APOBEC1: variants seen among roughly 807,000 people sequenced by gnomAD.
The protein encoded by APOBEC1 is C->U-editing enzyme APOBEC-1.
In APOBEC1, 22 loss-of-function variants were observed where a neutral mutation model predicts 26.3. The observed-to-expected ratio is 0.84, with a 90% CI of 0.60 to 1.19. The LOEUF (loss-of-function observed/expected upper bound fraction) is 1.19. APOBEC1 is among the 50% of genes most tolerant of loss of function. The probability of loss-of-function intolerance (pLI) is 0.00; values close to 1 mark genes in which losing one functional copy is unlikely to be tolerated. For missense variants in APOBEC1, 253 were observed against 289.0 expected (o/e 0.88, Z 0.90); for synonymous variants, 77 against 95.3 (o/e 0.81, Z 1.12).
At chr12:7,667,764 T>C (rs1736812932), upstream of APOBEC1, among the ~76,000 whole-genome samples, 1 of 151,720 alleles carries the variant, frequency 6.6e-6, no homozygotes, top group South Asian at 2.1e-4. Context: ...AATATAAAAG[T>C]CAGCTGGGTG....
intron 1 of APOBEC1, among the ~76,000 whole-genome samples, chr12:7,659,349 ATGTT>A (rs1863770914): frequency 2.1e-5 from 2 of 93,664 alleles, no homozygotes; most frequent in African/African-American, 4.2e-5. Flanking sequence ...ATATATATAT[ATGTT>A]TATATTTGAA....
intron 1 of APOBEC1, among the ~76,000 whole-genome samples, chr12:7,656,028 G>A (rs1181171461): frequency 6.6e-6 from 1 of 151,882 alleles, no homozygotes; most frequent in African/African-American, 2.4e-5. Context: ...GTGGAGGCGT[G>A]TTCTCTCTGT....
chr12:7,651,125 C>T lies in APOBEC1; in HGVS notation c.459G>A (p.Trp153Ter). Residue 153 changes from tryptophan (W) to a stop codon, truncating the protein, a stop_gained, in exon 4 of 5, where the codon TGG becomes TGA. Coordinates refer to ENST00000229304, the MANE Select transcript of APOBEC1 (RefSeq NM_001644.5). LOFTEE classifies it high-confidence loss of function. ...CAGGTGGGTAGTTGACAAAATTCCT[C>T]CAGCAGTGATAATACTCTAAGGAAA... ...IMRASEYYHC[W>*]RNFVNYPPGD... 6.2e-7 allele frequency: 1 copy of T among 1,613,046 alleles called. No individual in the cohort carries two copies. Among genetic ancestry groups the T allele is most frequent in the Non-Finnish European group, 8.5e-7 (1 of 1,179,072 alleles).
At chr12:7,663,376 G>A (rs1448041323) in intron 1 of APOBEC1, among the ~76,000 whole-genome samples, 2 of 152,132 alleles carry the variant, frequency 1.3e-5, no homozygotes, top group South Asian at 2.1e-4. Context: ...CTAGGAAATA[G>A]GACGAAGTCA....
chr12:7,661,205 C>CAAAA (rs35561148), intron 1 of APOBEC1, among the ~76,000 whole-genome samples: 1 of 89,294 alleles, frequency 1.1e-5, no homozygotes, highest in Non-Finnish European at 2.3e-5. Context: ...GACTCCGTCT[C>CAAAA]AAAAAAAAAA....
intron 1 of APOBEC1, among the ~76,000 whole-genome samples, chr12:7,663,741 G>A (rs945308984): frequency 1.3e-5 from 2 of 152,106 alleles, no homozygotes; most frequent in Non-Finnish European, 2.9e-5. Flanking sequence ...CACATGACTG[G>A]GGACAGTTTG....
chr12:7,660,075 C>A (rs746458868), intron 1 of APOBEC1, among the ~76,000 whole-genome samples: 1 of 151,650 alleles, frequency 6.6e-6, no homozygotes, highest in East Asian at 2.0e-4. Flanking sequence ...GAGGCTGAGG[C>A]GGGTGGTTCA....
intron 1 of APOBEC1, among the ~76,000 whole-genome samples, chr12:7,659,325 ATATATAT>A (rs1565441871): frequency 5.3e-4 from 30 of 56,154 alleles, no homozygotes; most frequent in African/African-American, 1.4e-3. Context: ...AAAAAAAAAT[ATATATAT>A]ATATATATAT....
chr12:7,660,375 G>GGAAGGAAGGAAGGACA (rs61183510), intron 1 of APOBEC1, among the ~76,000 whole-genome samples: 7 of 23,950 alleles, frequency 2.9e-4, no homozygotes, highest in Admixed American at 5.0e-4. Flanking sequence ...AAGGAAGGAA[G>GGAAGGAAGGAAGGACA]GAAAGAAAGA....
At chr12:7,657,192 A>G (rs918362033) in intron 1 of APOBEC1, among the ~76,000 whole-genome samples, 39 of 152,206 alleles carry the variant, frequency 2.6e-4, no homozygotes, top group Admixed American at 8.5e-4. Context: ...TGCATTTCGT[A>G]CTAAGTTACT....
At chr12:7,661,778 G>C (rs1302045530) in intron 1 of APOBEC1, among the ~76,000 whole-genome samples, 3 of 152,136 alleles carry the variant, frequency 2.0e-5, no homozygotes, top group Non-Finnish European at 4.4e-5. Context: ...TAACCTGGAA[G>C]GGGAAAGAGA....
At chr12:7,653,198 G>A (rs1389733367) in intron 2 of APOBEC1, among the ~76,000 whole-genome samples, 1 of 151,834 alleles carries the variant, frequency 6.6e-6, no homozygotes, top group Non-Finnish European at 1.5e-5. Context: ...CCAAAGTGCT[G>A]GGATTACAGG....
rs887697691 is a variant in APOBEC1, at chr12:7,661,561, C to T, written c.16+4296G>A. 4.0e-5 allele frequency among the ~76,000 whole-genome samples: 6 copies of T among 151,608 alleles called. No homozygotes were observed. The South Asian group carries it at 1.2e-3, about 32-fold the overall frequency. ...TAATTGTAATTATACATATTTTAAA[C>T]CACAACTCGAGAGGAAGGAGAAAAG... is the stretch of plus-strand genomic sequence containing the variant. On this transcript the variant is annotated intron_variant, in intron 1 of 4. Coordinates refer to ENST00000229304, the MANE Select transcript of APOBEC1 (RefSeq NM_001644.5).
chr12:7,654,814 T>C (rs1264585080), intron 1 of APOBEC1, among the ~76,000 whole-genome samples, 182 bp from the exon 2 acceptor site: 1 of 152,212 alleles, frequency 6.6e-6, no homozygotes, highest in Non-Finnish European at 1.5e-5. Flanking sequence ...TTTTAAGGAC[T>C]CTGCCAAAAT....
At chr12:7,652,971 C>T (rs1331057063) in intron 2 of APOBEC1, 136 bp from the exon 3 acceptor site, 29 of 776,706 alleles carry the variant, frequency 3.7e-5, no homozygotes, top group Non-Finnish European at 5.0e-5. Context: ...ACACTGTTGC[C>T]CAGACTGGAG....
At chr12:7,656,319 C>T (rs80269606) in intron 1 of APOBEC1, among the ~76,000 whole-genome samples, 13 of 152,274 alleles carry the variant, frequency 8.5e-5, no homozygotes, top group African/African-American at 2.9e-4. Flanking sequence ...AAAGTCTGGG[C>T]TGGAAAGGAC....
chr12:7,670,358 C>A (rs1863936444), upstream of APOBEC1, among the ~76,000 whole-genome samples: 1 of 142,010 alleles, frequency 7.0e-6, no homozygotes, highest in Non-Finnish European at 1.5e-5. Flanking sequence ...TGGATACAAG[C>A]TTTGTCATAT....
chr12:7,669,037 C>A (rs2136863000), upstream of APOBEC1, among the ~76,000 whole-genome samples: 1 of 151,994 alleles, frequency 6.6e-6, no homozygotes, highest in East Asian at 1.9e-4. Flanking sequence ...TGGCCAGCAC[C>A]CCCCAATTCT....
At chr12:7,658,806 A>G (rs906767386) in intron 1 of APOBEC1, among the ~76,000 whole-genome samples, 77 of 150,902 alleles carry the variant, frequency 5.1e-4, no homozygotes, top group Non-Finnish European at 5.6e-4. Flanking sequence ...TACAAAAATT[A>G]GCCGGGTGTG....
Sources: allele counts gnomAD v4.1 joint callset (sites outside exome capture counted in the v4.1 genomes callset), GRCh38; gene constraint gnomAD v4.1.1; transcripts MANE v1.5; gene names NCBI Gene and HGNC (gene_info 2026-07-23, HGNC 2026-07-21).